The following PCDHA1 variants were observed in gnomAD, a reference collection of about 807,000 sequenced individuals.
The protein encoded by PCDHA1 is protocadherin alpha-1.
A neutral mutation model predicts 61.3 loss-of-function variants in PCDHA1; 42 were observed. The observed-to-expected ratio is 0.69, with a 90% confidence interval of 0.54 to 0.89. The LOEUF (loss-of-function observed/expected upper bound fraction) is 0.89, where lower values mean the gene tolerates loss of function less well. PCDHA1 is among the 40% of genes least tolerant of loss of function. PCDHA1 has a pLI of 0.00. For synonymous variants in PCDHA1, 610 were observed against 553.8 expected, an observed-to-expected ratio of 1.10 and a Z score of -1.43; for missense variants, 1,256 against 1,235.3, an observed-to-expected ratio of 1.02 and a Z score of -0.25.
In PCDHA1 at chr5:140,852,077, T is replaced by C. The variant is rs1291291529; in HGVS notation, c.2394+63393T>C. 28 of 903,448 alleles carry C rather than the reference T, an allele frequency of 3.1e-5. 1 individual carries two copies. The highest frequency in any genetic ancestry group is 3.8e-5 in the Non-Finnish European group (28 of 741,468). The allele number at this position is 903,448 out of a possible 1,614,324, so 56.0% of individuals were successfully genotyped here. ...ATATTTTTCTTTCTCTTTCAGCTAT[T>C]TTATTTAATATTGTGTCAGATATTT... is the stretch of plus-strand genomic sequence containing the variant. On this transcript the variant is annotated intron_variant, in intron 1 of 3. Coordinates refer to ENST00000504120, the MANE Select transcript of PCDHA1 (RefSeq NM_018900.4).
chr5:140,992,845 C>T (rs2097530741), intron 3 of PCDHA1, among the ~76,000 whole-genome samples: 1 of 152,148 alleles, frequency 6.6e-6, no homozygotes, highest in African/African-American at 2.4e-5. Context: ...TTTTGTATAA[C>T]AACCAGTTTC....
In PCDHA1 at chr5:140,857,513, G is replaced by T. The variant is rs781950263; in HGVS notation, c.2394+68829G>T. 3 of 1,598,208 alleles carry T rather than the reference G, an allele frequency of 1.9e-6. No individual in the cohort carries two copies. In the South Asian group the frequency reaches 3.3e-5, roughly 18 times the overall value. On this transcript the variant is annotated intron_variant, in intron 1 of 3. Transcript: ENST00000504120. ...CGCGGACGCGCAGGAGAACGCCCTG[G>T]TGTCCTACTCTCTGGTGGAGCGGCG...
intron 1 of PCDHA1, chr5:140,856,523 G>A (rs1554148798): frequency 6.3e-7 from 1 of 1,598,526 alleles, no homozygotes; most frequent in Admixed American, 1.7e-5. Context: ...CGCATCTGAT[G>A]CGGATGTTGG....
chr5:140,968,899 A>T (rs782594245), intron 1 of PCDHA1: 7 of 1,614,130 alleles, frequency 4.3e-6, no homozygotes, highest in Non-Finnish European at 5.1e-6. Flanking sequence ...TAATAATAGC[A>T]TTAAGCACAG....
chr5:140,901,175 T>C (rs2068484045), intron 1 of PCDHA1, among the ~76,000 whole-genome samples: 1 of 152,162 alleles, frequency 6.6e-6, no homozygotes, highest in African/African-American at 2.4e-5. Context: ...CTTCACTTTG[T>C]TGATTGTTTG....
chr5:141,009,116 T>C (rs1382527068), intron 3 of PCDHA1, among the ~76,000 whole-genome samples: 1 of 152,236 alleles, frequency 6.6e-6, no homozygotes, highest in African/African-American at 2.4e-5. Flanking sequence ...TGAAACTAGA[T>C]TCTTGGTATC....
rs1391320223 is a variant in PCDHA1, at chr5:140,927,345, C to T, written c.2395-51604C>T. The T allele has an allele frequency of 1.2e-6, 2 of 1,614,012 alleles. 1 individual carries two copies. On this transcript the variant is annotated intron_variant, in intron 1 of 3. Transcript: ENST00000504120. The stretch of plus-strand genomic sequence containing the variant: ...TTACTCTCCCGAATGCCCAAGATGA[C>T]GACGAGGGAAGCAATGGGATACTAA...
chr5:140,911,729 C>T (rs571299791), intron 1 of PCDHA1, among the ~76,000 whole-genome samples: 16 of 152,252 alleles, frequency 1.1e-4, no homozygotes, highest in South Asian at 4.2e-4. Flanking sequence ...GTAAACAGTT[C>T]GTGCCAAGGA....
chr5:140,965,700 C>CT (rs1554227802), intron 1 of PCDHA1, among the ~76,000 whole-genome samples: 1 of 152,162 alleles, frequency 6.6e-6, no homozygotes, highest in East Asian at 1.9e-4. Flanking sequence ...TTAGAAAAAG[C>CT]TTGAGAGAAG....
Position 140,923,432 on chromosome 5 carries a change from G to A in PCDHA1, c.2395-55517G>A, listed in dbSNP as rs116357562. Among the ~76,000 whole-genome samples, 1,228 of 152,230 alleles carry A rather than the reference G, an allele frequency of 8.1e-3. 6 individuals are homozygous for A. The highest frequency in any genetic ancestry group is 0.019 in the African/African-American group (793 of 41,542). The stretch of plus-strand genomic sequence containing the variant: ...AATCCTGGCTACTTGGGAGGCTGGG[G>A]TGGGAGGATCACCTGAGCCCAGAGA... On this transcript the variant is annotated intron_variant, in intron 1 of 3. Transcript: ENST00000504120.
At chr5:140,944,543 G>C (rs2093667961) in intron 1 of PCDHA1, among the ~76,000 whole-genome samples, 1 of 152,142 alleles carries the variant, frequency 6.6e-6, no homozygotes, top group South Asian at 2.1e-4. Context: ...AGTATTTAAA[G>C]ATCATAGTTT....
At chr5:140,883,240 C>G in intron 1 of PCDHA1, 1 of 1,613,998 alleles carries the variant, frequency 6.2e-7, no homozygotes, top group Non-Finnish European at 8.5e-7. Context: ...AGGCAGTTGA[C>G]AAAGGAAATA....
Position 141,009,859 on chromosome 5 carries a change from G to A in PCDHA1, c.2775G>A (p.Lys925=). The A allele has an allele frequency of 1.2e-6, 2 of 1,613,884 alleles. No homozygotes were observed. Among genetic ancestry groups the A allele is most frequent in the Non-Finnish European group, 1.7e-6 (2 of 1,179,960 alleles). The part of the protein sequence containing the change: ...TFGKKEETKK[K]KKKKKGNKTQ... ...GCAAAAAGGAGGAGACCAAGAAAAA[G>A]AAGAAAAAGAAGAAGGGTAACAAGA... The change falls in exon 4 of 4, where the codon AAG becomes AAA. Residue 925 remains lysine (K), a synonymous_variant. Transcript: ENST00000504120.
At chr5:140,989,723 G>A (rs2097356372) in intron 3 of PCDHA1, among the ~76,000 whole-genome samples, 1 of 152,180 alleles carries the variant, frequency 6.6e-6, no homozygotes, top group African/African-American at 2.4e-5. Flanking sequence ...CAGCTTTGCA[G>A]TTGAAAAGGC....
chr5:140,804,534 T>A (rs1162038331), intron 1 of PCDHA1: 1 of 152,174 alleles, frequency 6.6e-6, no homozygotes, highest in Non-Finnish European at 1.5e-5. Context: ...AAACTTTTTA[T>A]TCATTAGTGT....
chr5:140,808,516 G>A, intron 1 of PCDHA1: 1 of 1,614,174 alleles, frequency 6.2e-7, no homozygotes, highest in South Asian at 1.1e-5. Context: ...GTGTTTCTGT[G>A]GAGGTGGCTG....
At chr5:140,809,783 A>T (rs1764542228) in intron 1 of PCDHA1, 2 of 499,904 alleles carry the variant, frequency 4.0e-6, no homozygotes, top group Non-Finnish European at 6.9e-6. Flanking sequence ...AATGCATATT[A>T]ACAGAACTGT....
chr5:140,869,327 T>A, intron 1 of PCDHA1: 1 of 1,613,922 alleles, frequency 6.2e-7, no homozygotes, highest in Middle Eastern at 1.7e-4. Context: ...GGGGACCTTC[T>A]GGAGGTAAAT....
Position 141,012,278 on chromosome 5 carries a change from G to T in PCDHA1, c.*2341G>T, listed in dbSNP as rs545417237. ...CTGTAAGGATAAAACACGTCATGTG[G>T]ATTCATTTTGAATTGGTGCTATTGG... On this transcript the variant is annotated 3_prime_UTR_variant, in exon 4 of 4. Coordinates refer to ENST00000504120, the MANE Select transcript of PCDHA1 (RefSeq NM_018900.4). The T allele has an allele frequency of 6.5e-6, 1 of 153,848 alleles. No individual in the cohort carries two copies. The highest frequency in any genetic ancestry group is 2.1e-4 in the South Asian group (1 of 4,826). The allele number at this position is 153,848 out of a possible 1,614,324, so 9.5% of individuals were successfully genotyped here.
Sources: allele counts gnomAD v4.1 joint callset (sites outside exome capture counted in the v4.1 genomes callset), GRCh38; gene constraint gnomAD v4.1.1; transcripts MANE v1.5; gene names NCBI Gene and HGNC (gene_info 2026-07-23, HGNC 2026-07-21).